The following EPHA6 variants were observed in gnomAD, a reference collection of about 807,000 sequenced individuals.
EPHA6 encodes EPH receptor A6.
A neutral mutation model predicts 112.0 loss-of-function variants in EPHA6; 50 were observed. The ratio of observed to expected loss-of-function variants is 0.45; its 90% CI spans 0.36 to 0.56. The LOEUF is 0.56. Ranked by LOEUF, EPHA6 falls within the 20% of genes least tolerant of loss-of-function variation. The pLI is 0.00. For synonymous variants in EPHA6, 529 were observed against 490.7 expected (o/e 1.08, Z -1.03); for missense variants, 1,280 against 1,417.4 (o/e 0.90, Z 1.56).
chr3:97,084,067 A>AGTGTGTGTGTGTGTGTGTGTGT (rs145113129), intron 3 of EPHA6, among the ~76,000 whole-genome samples: 5 of 109,698 alleles, frequency 4.6e-5, no homozygotes, highest in African/African-American at 1.7e-4. Context: ...TATTTCTTAA[A>AGTGTGTGTGTGTGTGTGTGTGT]GTGTGTGTGT....
chr3:97,734,844 A>G (rs1236051537), intron 15 of EPHA6, among the ~76,000 whole-genome samples: 1 of 152,058 alleles, frequency 6.6e-6, no homozygotes, highest in Admixed American at 6.6e-5. Flanking sequence ...AGATAAGAAT[A>G]AATGTTCACA....
chr3:97,419,645 G>T (rs1057036432), intron 6 of EPHA6, among the ~76,000 whole-genome samples: 2 of 151,316 alleles, frequency 1.3e-5, no homozygotes, highest in Admixed American at 1.3e-4. Context: ...ACACACACAA[G>T]AATTTAACAG....
At chr3:97,065,254 C>G (rs2046141205) in intron 3 of EPHA6, among the ~76,000 whole-genome samples, 2 of 152,070 alleles carry the variant, frequency 1.3e-5, no homozygotes, top group African/African-American at 4.8e-5. Flanking sequence ...TTTTTAAATG[C>G]TGAACATAGT....
chr3:97,550,432 T>C (rs1477265489), intron 11 of EPHA6, among the ~76,000 whole-genome samples: 2 of 152,214 alleles, frequency 1.3e-5, no homozygotes, highest in African/African-American at 2.4e-5. Flanking sequence ...TTATTTGTGA[T>C]CTTCATCCCC....
At chr3:97,518,509 C>A (rs565872330) in intron 10 of EPHA6, among the ~76,000 whole-genome samples, 8 of 150,932 alleles carry the variant, frequency 5.3e-5, no homozygotes, top group African/African-American at 1.9e-4. Context: ...ATCATGTGGT[C>A]GTTCTTTTGT....
intron 14 of EPHA6, among the ~76,000 whole-genome samples, chr3:97,697,178 T>C (rs1244320429): frequency 6.6e-6 from 1 of 152,236 alleles, no homozygotes; most frequent in East Asian, 1.9e-4. Flanking sequence ...TCTCCAAAAA[T>C]AGTTATTTGT....
At chr3:97,564,606 A>G (rs190942385) in intron 11 of EPHA6, among the ~76,000 whole-genome samples, 1 of 152,320 alleles carries the variant, frequency 6.6e-6, no homozygotes, top group Non-Finnish European at 1.5e-5. Flanking sequence ...ATTAAAAACC[A>G]TGACAGATCA....
intron 3 of EPHA6, among the ~76,000 whole-genome samples, chr3:97,130,087 T>A (rs888166179): frequency 6.6e-6 from 1 of 152,140 alleles, no homozygotes; most frequent in Non-Finnish European, 1.5e-5. Context: ...TATTATTAAG[T>A]ATCTGTCAAA....
intron 14 of EPHA6, among the ~76,000 whole-genome samples, chr3:97,685,170 T>A (rs1161633523): frequency 1.3e-5 from 2 of 152,206 alleles, no homozygotes; most frequent in Non-Finnish European, 2.9e-5. Context: ...TAGACTACTA[T>A]TAATAAACCA....
intron 10 of EPHA6, among the ~76,000 whole-genome samples, chr3:97,498,750 C>T (rs1373431503): frequency 1.3e-5 from 2 of 152,110 alleles, no homozygotes; most frequent in African/African-American, 4.8e-5. Context: ...GAGAACAAAC[C>T]CTATTGTGAA....
chr3:97,030,040 C>T (rs1449571132), intron 3 of EPHA6, among the ~76,000 whole-genome samples: 1 of 152,014 alleles, frequency 6.6e-6, no homozygotes, highest in Non-Finnish European at 1.5e-5. Flanking sequence ...AAGTGACATG[C>T]AAAAAGACTT....
chr3:96,843,838 A>T (rs2034903950), intron 1 of EPHA6, among the ~76,000 whole-genome samples: 1 of 152,024 alleles, frequency 6.6e-6, no homozygotes, highest in African/African-American at 2.4e-5. Flanking sequence ...CAATAATAAG[A>T]AATATTCTTT....
At chr3:97,113,990 G>A (rs1014225459) in intron 3 of EPHA6, among the ~76,000 whole-genome samples, 4 of 152,016 alleles carry the variant, frequency 2.6e-5, no homozygotes, top group Non-Finnish European at 4.4e-5. Context: ...GCTTTGCTTG[G>A]GGTATCTTGG....
rs1239151089 is a variant in EPHA6, at chr3:97,752,885, A to G, written c.*4184A>G. Among the ~76,000 whole-genome samples, 1 of 152,096 alleles carries G rather than the reference A, an allele frequency of 6.6e-6. No homozygotes were observed. The highest frequency in any genetic ancestry group is 1.5e-5 in the Non-Finnish European group (1 of 67,978). Reference sequence around the variant, plus strand: ...TATCAAAGAGATTTGAAGCATATGTATCACTTCTTTTAGTATGAGCATCTT... The same window carrying G: ...TATCAAAGAGATTTGAAGCATATGTGTCACTTCTTTTAGTATGAGCATCTT... On this transcript the variant is annotated 3_prime_UTR_variant, in exon 18 of 18. Transcript: ENST00000389672.
At chr3:97,629,850 G>A (rs189313657) in intron 13 of EPHA6, among the ~76,000 whole-genome samples, 2 of 152,086 alleles carry the variant, frequency 1.3e-5, no homozygotes, top group African/African-American at 4.8e-5. Flanking sequence ...ATGCTCTAAT[G>A]ATGCTTCATC....
At chr3:96,849,416 G>T (rs940974382) in intron 1 of EPHA6, among the ~76,000 whole-genome samples, 1 of 152,004 alleles carries the variant, frequency 6.6e-6, no homozygotes, top group African/African-American at 2.4e-5. Context: ...AATATATAGA[G>T]AATTATTTTT....
chr3:97,594,137 A>G (rs2093567734), intron 12 of EPHA6, among the ~76,000 whole-genome samples: 1 of 152,242 alleles, frequency 6.6e-6, no homozygotes, highest in Non-Finnish European at 1.5e-5. Context: ...CCTCACCCTT[A>G]ACTCTTAATG....
At chr3:96,876,517 T>G (rs2036962766) in intron 2 of EPHA6, among the ~76,000 whole-genome samples, 1 of 151,600 alleles carries the variant, frequency 6.6e-6, no homozygotes, top group Non-Finnish European at 1.5e-5. Context: ...CCAGAACTGA[T>G]TTTCTAAGCT....
intron 5 of EPHA6, among the ~76,000 whole-genome samples, chr3:97,265,488 G>A (rs568517286): frequency 1.3e-5 from 2 of 152,302 alleles, no homozygotes; most frequent in South Asian, 2.1e-4. Flanking sequence ...GCAGGGCTGT[G>A]ACAGCGCCTG....
Sources: allele counts gnomAD v4.1 joint callset (sites outside exome capture counted in the v4.1 genomes callset), GRCh38; gene constraint gnomAD v4.1.1; transcripts MANE v1.5; gene names NCBI Gene and HGNC (gene_info 2026-07-23, HGNC 2026-07-21).